Variants in CLTC observed in about 807,000 individuals in gnomAD.
CLTC encodes the protein clathrin heavy chain, also known as clathrin heavy chain 1.
In CLTC, 16 loss-of-function variants were observed where a neutral mutation model predicts 195.8. The ratio of observed to expected loss-of-function variants is 0.08; its 90% confidence interval spans 0.06 to 0.12. CLTC has a LOEUF of 0.12. Among genes scored for constraint, CLTC ranks in the 10% least tolerant of loss-of-function variants. CLTC has a pLI of 1.00. For synonymous variants in CLTC, 667 were observed against 689.4 expected, an observed-to-expected ratio of 0.97 and a Z score of 0.51; for missense variants, 796 against 2,027.0, an observed-to-expected ratio of 0.39 and a Z score of 11.66.
rs746722435 is a variant in CLTC, at chr17:59,664,917, G to T, written c.1644+8G>T. On this transcript the variant is annotated splice_region_variant and intron_variant, in intron 10 of 31. Transcript: ENST00000269122. ...CTTGCTGACATCACACAGGTAATGTGATTAAAATATATTTTGTAGAAGCTG... is the reference window on the plus strand; with the variant it reads ...CTTGCTGACATCACACAGGTAATGTTATTAAAATATATTTTGTAGAAGCTG... The T allele has an allele frequency of 1.2e-6, 2 of 1,613,318 alleles. No individual in the cohort carries two copies. Among genetic ancestry groups the T allele is most frequent in the Non-Finnish European group, 1.7e-6 (2 of 1,179,740 alleles).
chr17:59,683,340 CTG>C lies in CLTC; in HGVS notation c.4042-45_4042-44del. The C allele has an allele frequency of 5.6e-6, 9 of 1,600,760 alleles. No homozygotes were observed. Among genetic ancestry groups the C allele is most frequent in the Non-Finnish European group, 7.7e-6 (9 of 1,173,198 alleles). ...TCAAAATATCTTATTCTTTTTAAGG[CTG>C]TTAGCTAGACTCATATCTAAAGCAA... On this transcript the variant is annotated intron_variant, in intron 25 of 31. Coordinates refer to ENST00000269122, the MANE Select transcript of CLTC (RefSeq NM_004859.4). This position sits in a 1 kb window ranked among gnomAD's most constrained non-coding sequence, Gnocchi z 6.1.
chr17:59,649,526 A>G (rs991442991), intron 4 of CLTC, among the ~76,000 whole-genome samples: 4 of 152,248 alleles, frequency 2.6e-5, no homozygotes, highest in Admixed American at 6.5e-5. Context: ...CAAAACTTGT[A>G]AAGAGTATCT....
At position 59,620,061 on chromosome 17, in the gene CLTC, C is replaced by T; in HGVS notation, c.-71C>T. ...CCCCCCTCCCCTTCTCCTCCTCTCC[C>T]TTGGAGAGCCCGGGCAGCCACTGCC... On this transcript the variant is annotated 5_prime_UTR_variant, in exon 1 of 32. Transcript: ENST00000269122. 1 of 1,488,566 alleles carries T rather than the reference C, an allele frequency of 6.7e-7. No individual in the cohort carries two copies. Among genetic ancestry groups the T allele is most frequent in the South Asian group, 1.1e-5 (1 of 87,648 alleles). 92.2% of individuals were successfully genotyped at this position (1,488,566 alleles called of 1,614,324 possible). A position where few individuals can be genotyped will look rare whatever the true frequency, so the allele number is the denominator to read the frequency against.
At chr17:59,637,970 C>T (rs530872718) in intron 1 of CLTC, among the ~76,000 whole-genome samples, 2 of 130,044 alleles carry the variant, frequency 1.5e-5, no homozygotes, top group Admixed American at 8.5e-5. Flanking sequence ...CCTCACTTCC[C>T]CAACAAAAAC....
intron 31 of CLTC, chr17:59,690,946 G>T (rs761128388): frequency 1.5e-5 from 6 of 406,288 alleles, no homozygotes; most frequent in Non-Finnish European, 2.6e-5. Context: ...ATCATAACAT[G>T]AATCTTTCCT....
intron 5 of CLTC, among the ~76,000 whole-genome samples, chr17:59,652,179 TACTTGCTCCACTC>T: frequency 6.6e-6 from 1 of 152,352 alleles, no homozygotes; most frequent in East Asian, 1.9e-4. Flanking sequence ...CATCTCCACT[TACTTGCTCCACTC>T]AAGTCTTGAA....
intron 1 of CLTC, among the ~76,000 whole-genome samples, chr17:59,625,716 AC>A (rs1335257377): frequency 1.3e-5 from 2 of 152,194 alleles, no homozygotes; most frequent in Non-Finnish European, 2.9e-5. Context: ...TCCCAAACAT[AC>A]TTAAGTTTTC....
At chr17:59,669,724 C>CTATATATA (rs34435388) in intron 14 of CLTC, among the ~76,000 whole-genome samples, 1 of 93,360 alleles carries the variant, frequency 1.1e-5, no homozygotes, top group Non-Finnish European at 3.3e-5. Context: ...TGTGTGTACA[C>CTATATATA]TATATATATA....
intron 1 of CLTC, among the ~76,000 whole-genome samples, chr17:59,623,409 G>T (rs1242786980): frequency 6.6e-6 from 1 of 152,130 alleles, no homozygotes; most frequent in Non-Finnish European, 1.5e-5. Flanking sequence ...TTTTCTTGAT[G>T]GTCAGTTTAC....
chr17:59,673,531 A>C, intron 14 of CLTC, 116 bp from the exon 15 acceptor site: 8 of 713,988 alleles, frequency 1.1e-5, no homozygotes, highest in East Asian at 2.7e-5. Context: ...CTTTAACAGA[A>C]GAGCTATGTT....
chr17:59,664,927 T>C lies in CLTC; in HGVS notation c.1644+18T>C. 2.5e-6 allele frequency: 4 copies of C among 1,613,064 alleles called. No homozygotes were observed. The highest frequency in any genetic ancestry group is 3.4e-6 in the Non-Finnish European group (4 of 1,179,526). ...TCACACAGGTAATGTGATTAAAATA[T>C]ATTTTGTAGAAGCTGATTGAAATGG... On this transcript the variant is annotated intron_variant, in intron 10 of 31. Coordinates refer to ENST00000269122, the MANE Select transcript of CLTC (RefSeq NM_004859.4).
chr17:59,637,773 A>G (rs1484342672), intron 1 of CLTC, among the ~76,000 whole-genome samples: 1 of 151,622 alleles, frequency 6.6e-6, no homozygotes, highest in South Asian at 2.1e-4. Flanking sequence ...CTAATCTATT[A>G]TCAGTAGTTA....
chr17:59,682,320 T>A lies in CLTC; in HGVS notation c.3492T>A (p.Ala1164=), dbSNP rs750484187. The A allele has an allele frequency of 6.2e-7, 1 of 1,614,134 alleles. No individual in the cohort carries two copies. Among genetic ancestry groups the A allele is most frequent in the Non-Finnish European group, 8.5e-7 (1 of 1,179,976 alleles). The change falls in exon 22 of 32, where the codon GCT becomes GCA. Residue 1164 remains alanine, a synonymous_variant. Coordinates refer to ENST00000269122, the MANE Select transcript of CLTC (RefSeq NM_004859.4). This position sits in a 1 kb window ranked among gnomAD's most constrained non-coding sequence, Gnocchi z 6.8. ...VKYLQMARKK[A]RESYVETELI... ...ACTTGCAGATGGCCCGTAAGAAGGCTCGAGAGTCCTATGTGGAGACAGAAC... is the reference window on the plus strand; with the variant it reads ...ACTTGCAGATGGCCCGTAAGAAGGCACGAGAGTCCTATGTGGAGACAGAAC...
In CLTC at chr17:59,637,489, C is replaced by A. The variant is rs550384838; in HGVS notation, c.43-6787C>A. ...TCAATCTCCTGACCTCATGATCCGCCCGCCTCGGCCTCCCAAAGTGCTGGG... is the reference window on the plus strand; with the variant it reads ...TCAATCTCCTGACCTCATGATCCGCACGCCTCGGCCTCCCAAAGTGCTGGG... On this transcript the variant is annotated intron_variant, in intron 1 of 31. Transcript: ENST00000269122. Among the ~76,000 whole-genome samples, 7 of 150,964 alleles carry A rather than the reference C, an allele frequency of 4.6e-5. 1 individual carries two copies. The East Asian group carries it at 1.4e-3, about 30-fold the overall frequency.
intron 30 of CLTC, among the ~76,000 whole-genome samples, chr17:59,688,134 C>T (rs924046154): frequency 6.6e-6 from 1 of 152,134 alleles, no homozygotes; most frequent in African/African-American, 2.4e-5. Flanking sequence ...CAGTGTTATG[C>T]ATTGTTTTAA....
intron 8 of CLTC, among the ~76,000 whole-genome samples, chr17:59,662,257 T>C (rs1172613311): frequency 6.6e-6 from 1 of 152,230 alleles, no homozygotes; most frequent in African/African-American, 2.4e-5. Flanking sequence ...ATGAACCTTT[T>C]CTAAATGTTA....
At chr17:59,638,520 G>C (rs2031935974) in intron 1 of CLTC, among the ~76,000 whole-genome samples, 1 of 147,430 alleles carries the variant, frequency 6.8e-6, no homozygotes. Flanking sequence ...CGGCACCAGG[G>C]ACCAGTTTTG....
Position 59,648,465 on chromosome 17 carries a change from G to GATGACTAAT in CLTC, c.681+64_681+65insATGACTAAT. The stretch of plus-strand genomic sequence containing the variant: ...GTATTTGGCTTTCTGCTATGAATTA[G>GATGACTAAT]TCATCTAATTTCAAAATAGCCTTCT... On this transcript the variant is annotated intron_variant, in intron 4 of 31. Transcript: ENST00000269122. This position sits in a 1 kb window ranked among gnomAD's most constrained non-coding sequence, Gnocchi z 4.5. 2 of 1,411,826 alleles carry GATGACTAAT rather than the reference G, an allele frequency of 1.4e-6. No homozygotes were observed. Among genetic ancestry groups the GATGACTAAT allele is most frequent in the Non-Finnish European group, 9.7e-7 (1 of 1,033,522 alleles). 87.5% of individuals were successfully genotyped at this position (1,411,826 alleles called of 1,614,324 possible).
rs199781634 is a variant in CLTC at position 59,632,644 on chromosome 17, AAAAC to A, written c.43-11624_43-11621del. ...TGCGACAGAGCGAGACTCTGTCTCA[AAAAC>A]AAACAAAAAAATCCCTAAAACTATA... is the stretch of plus-strand genomic sequence containing the variant. On this transcript the variant is annotated intron_variant, in intron 1 of 31. Coordinates refer to ENST00000269122, the MANE Select transcript of CLTC (RefSeq NM_004859.4). Among the ~76,000 whole-genome samples, 1,451 of 152,258 alleles carry A rather than the reference AAAAC, an allele frequency of 9.5e-3. 17 individuals carry two copies. The highest frequency in any genetic ancestry group is 0.014 in the Middle Eastern group (4 of 294).
Sources: gnomAD v4.1 joint callset for allele counts (sites outside exome capture counted in the v4.1 genomes callset) on GRCh38, gnomAD v4.1.1 for gene constraint, Gnocchi (gnomAD v3.1) non-coding constraint, MANE v1.5 for transcripts, NCBI Gene and HGNC (gene_info 2026-07-23, HGNC 2026-07-21) for gene names.